Variants in SLC49A4 observed in about 807,000 individuals in gnomAD.
The protein encoded by SLC49A4 is solute carrier family 49 member 4.
A neutral mutation model predicts 50.6 loss-of-function variants in SLC49A4; 36 were observed. The observed-to-expected ratio is 0.71, with a 90% CI of 0.55 to 0.94. The LOEUF is 0.94. SLC49A4 is among the 40% of genes least tolerant of loss of function. The pLI is 0.00. For synonymous variants in SLC49A4, 248 were observed against 241.2 expected (o/e 1.03, Z -0.26); for missense variants, 503 against 605.7 (o/e 0.83, Z 1.78).
chr3:122,824,356 G>A (rs891031902), intron 2 of SLC49A4, among the ~76,000 whole-genome samples: 5 of 152,116 alleles, frequency 3.3e-5, no homozygotes, highest in Admixed American at 6.5e-5. Context: ...AGTGAGAAAT[G>A]TTCTGGTCTA....
At position 122,833,327 on chromosome 3, in the gene SLC49A4, T is replaced by G. The variant is rs1357902783; in HGVS notation, c.714T>G (p.Val238=). ...ATTTTTTTCTTTCAGAATTTGGAGT[T>G]GTCTGCTTAATATTTTCTGCAACAC... ...IEAVLYAEFG[V]VCLIFSATLA... The change falls in exon 4 of 9, where the codon GTT becomes GTG. Residue 238 remains valine (V), a synonymous_variant. Transcript: ENST00000261038. 3 of 1,612,934 alleles carry G rather than the reference T, an allele frequency of 1.9e-6. No homozygotes were observed. The highest frequency in any genetic ancestry group is 2.2e-5 in the East Asian group (1 of 44,864).
At chr3:122,838,884 A>T (rs1045369446) in intron 4 of SLC49A4, among the ~76,000 whole-genome samples, 1 of 152,170 alleles carries the variant, frequency 6.6e-6, no homozygotes, top group Non-Finnish European at 1.5e-5. Flanking sequence ...ATTAGAAAAA[A>T]AAATCCTAAA....
chr3:122,822,715 C>G (rs1341721727), intron 2 of SLC49A4, among the ~76,000 whole-genome samples: 1 of 152,116 alleles, frequency 6.6e-6, no homozygotes, highest in Non-Finnish European at 1.5e-5. Context: ...CTTGTAATGG[C>G]TCCTTCTCAA....
chr3:122,850,614 C>T (rs1431887085), intron 5 of SLC49A4, among the ~76,000 whole-genome samples: 1 of 150,510 alleles, frequency 6.6e-6, no homozygotes, highest in East Asian at 2.0e-4. Context: ...TTTAAATGAT[C>T]CTCCCACCTC....
chr3:122,874,866 GTGTT>G (rs1937245249), intron 8 of SLC49A4, among the ~76,000 whole-genome samples: 1 of 152,228 alleles, frequency 6.6e-6, no homozygotes, highest in Admixed American at 6.5e-5. Context: ...GCACCCACCA[GTGTT>G]TGTTTTGTTT....
chr3:122,795,564 C>T (rs762772120), intron 1 of SLC49A4, 29 bp downstream of exon 1: 4 of 1,567,650 alleles, frequency 2.6e-6, no homozygotes, highest in Non-Finnish European at 3.4e-6. Context: ...CCAGCCCGCG[C>T]TGTCTCTCCT....
At chr3:122,844,463 A>G (rs2107573303) in intron 4 of SLC49A4, among the ~76,000 whole-genome samples, 1 of 152,294 alleles carries the variant, frequency 6.6e-6, no homozygotes, top group East Asian at 1.9e-4. Context: ...TATGAACAAA[A>G]TATTATTCTT....
At chr3:122,829,328 A>G (rs957947454) in intron 3 of SLC49A4, among the ~76,000 whole-genome samples, 9 of 152,356 alleles carry the variant, frequency 5.9e-5, no homozygotes, top group African/African-American at 1.7e-4. Context: ...ATAAAAGGGA[A>G]AAAACATGAT....
chr3:122,860,812 C>T (rs1937050593), intron 7 of SLC49A4, among the ~76,000 whole-genome samples: 1 of 152,160 alleles, frequency 6.6e-6, no homozygotes, highest in Admixed American at 6.5e-5. Context: ...AATTTAGCAA[C>T]TTAAAACAAC....
chr3:122,817,286 C>G (rs1936382484), intron 2 of SLC49A4, among the ~76,000 whole-genome samples: 1 of 152,094 alleles, frequency 6.6e-6, no homozygotes, highest in South Asian at 2.1e-4. Flanking sequence ...CCTTTGAAAA[C>G]AGAGGAAGAG....
intron 7 of SLC49A4, among the ~76,000 whole-genome samples, chr3:122,863,810 G>A (rs774255052): frequency 2.6e-5 from 4 of 152,022 alleles, no homozygotes; most frequent in Non-Finnish European, 5.9e-5. Context: ...GTAAATATAT[G>A]TATTAAACTG....
intron 4 of SLC49A4, among the ~76,000 whole-genome samples, chr3:122,840,079 T>A (rs1936746618): frequency 6.6e-6 from 1 of 152,178 alleles, no homozygotes; most frequent in Admixed American, 6.5e-5. Flanking sequence ...AAAATAATGC[T>A]TTTACATCAA....
At chr3:122,830,034 C>G (rs1318826463) in intron 3 of SLC49A4, among the ~76,000 whole-genome samples, 1 of 152,128 alleles carries the variant, frequency 6.6e-6, no homozygotes, top group Non-Finnish European at 1.5e-5. Flanking sequence ...AATCAATTGT[C>G]TATATATTGG....
At position 122,795,528 on chromosome 3, in the gene SLC49A4, C is replaced by T; in HGVS notation, c.336C>T (p.Asp112=). ...GCTTCGCGTTCATGTGGCTCCTGGA[C>T]AAGAGAGGTGAGGGGTCGCGGAGCG... The part of the protein sequence containing the change: ...LPCFAFMWLL[D]KRGLRITVLL... The change falls in exon 1 of 9, where the codon GAC becomes GAT. Residue 112 remains aspartate, a synonymous_variant. Coordinates refer to ENST00000261038, the MANE Select transcript of SLC49A4 (RefSeq NM_032839.3). The T allele has an allele frequency of 2.5e-6, 4 of 1,596,410 alleles. No individual in the cohort carries two copies. The highest frequency in any genetic ancestry group is 2.2e-5 in the South Asian group (2 of 90,108).
At chr3:122,833,284 C>T (rs1176034630) in intron 3 of SLC49A4, 33 bp from the exon 4 acceptor site, 2 of 1,598,420 alleles carry the variant, frequency 1.3e-6, no homozygotes, top group Non-Finnish European at 1.7e-6. Flanking sequence ...TTTGTGTTTC[C>T]TGGTTAACAT....
rs1048189011 is a variant in SLC49A4, at chr3:122,829,414, G to A, written c.703+2349G>A. ...TGAACTGGAAACAATCAATGAATTAGGAATAGACAGGAACTCTCTCAACCT... is the reference window on the plus strand; with the variant it reads ...TGAACTGGAAACAATCAATGAATTAAGAATAGACAGGAACTCTCTCAACCT... On this transcript the variant is annotated intron_variant, in intron 3 of 8. Coordinates refer to ENST00000261038, the MANE Select transcript of SLC49A4 (RefSeq NM_032839.3). 7.2e-5 allele frequency among the ~76,000 whole-genome samples: 11 copies of A among 152,284 alleles called. No homozygotes were observed. The South Asian group carries it at 2.3e-3, about 32-fold the overall frequency.
chr3:122,876,397 C>T (rs1937268763), intron 8 of SLC49A4, among the ~76,000 whole-genome samples: 1 of 152,174 alleles, frequency 6.6e-6, no homozygotes, highest in South Asian at 2.1e-4. Context: ...ATTCAGGGGC[C>T]TGGCAGAGGT....
intron 8 of SLC49A4, among the ~76,000 whole-genome samples, chr3:122,878,786 C>T (rs62261709): frequency 0.011 from 1,708 of 152,170 alleles, 12 homozygotes; most frequent in Non-Finnish European, 0.016. Context: ...ACAGTGATTT[C>T]TACTTAATGT....
intron 6 of SLC49A4, among the ~76,000 whole-genome samples, chr3:122,858,074 A>G (rs1438977124): frequency 6.6e-6 from 1 of 152,118 alleles, no homozygotes; most frequent in Non-Finnish European, 1.5e-5. Flanking sequence ...TCCTGACACC[A>G]TTTTTTGGGA....
Sources: gnomAD v4.1 joint callset for allele counts (sites outside exome capture counted in the v4.1 genomes callset) on GRCh38, gnomAD v4.1.1 for gene constraint, MANE v1.5 for transcripts, NCBI Gene and HGNC (gene_info 2026-07-23, HGNC 2026-07-21) for gene names.